Variants in FRMPD4 observed in about 807,000 individuals in gnomAD.
The protein encoded by FRMPD4 is FERM and PDZ domain containing 4.
FRMPD4 carries 22 observed loss-of-function variants against 94.1 expected under a neutral mutation model. The observed-to-expected ratio is 0.23, with a 90% CI of 0.17 to 0.33. The LOEUF (loss-of-function observed/expected upper bound fraction) is 0.33, where lower values mean the gene tolerates loss of function less well. FRMPD4 is among the 10% of genes least tolerant of loss of function. The pLI, the probability that FRMPD4 is intolerant of heterozygous loss-of-function variation, is 1.00. For missense variants in FRMPD4, 1,111 were observed against 1,339.9 expected (o/e 0.83, Z 2.67); for synonymous variants, 631 against 548.6 (o/e 1.15, Z -2.10).
intron 1 of FRMPD4, among the ~76,000 whole-genome samples, chrX:12,472,689 G>A (rs996725896): frequency 2.7e-5 from 3 of 112,000 alleles, no homozygotes; most frequent in Admixed American, 1.9e-4. Flanking sequence ...TAGCTGATTC[G>A]ATCAACTGGA....
chrX:12,172,557 G>A lies in FRMPD4; in HGVS notation c.41+33545G>A, dbSNP rs2056240816. On this transcript the variant is annotated intron_variant, in intron 1 of 16. Coordinates refer to ENST00000675598, the MANE Select transcript of FRMPD4 (RefSeq NM_001368397.1). Reference sequence around the variant, plus strand: ...ACTCCTAGGGTTTCTGATTCAGCAGGTCTGGGGTGGGTCCTGAGAATTTGC... The same window carrying A: ...ACTCCTAGGGTTTCTGATTCAGCAGATCTGGGGTGGGTCCTGAGAATTTGC... Among the ~76,000 whole-genome samples, 4 of 112,077 alleles carry A rather than the reference G, an allele frequency of 3.6e-5. No individual in the cohort carries two copies. In the Admixed American group the frequency reaches 3.8e-4, roughly 11 times the overall value.
chrX:12,715,953 T>C, intron 14 of FRMPD4, 116 bp from the exon 15 acceptor site: 1 of 450,475 alleles, frequency 2.2e-6, no homozygotes, highest in Non-Finnish European at 3.9e-6. Flanking sequence ...AAACTGTATT[T>C]ACATAAGTGA....
chrX:12,448,353 A>C (rs1308066784), intron 1 of FRMPD4, among the ~76,000 whole-genome samples: 1 of 112,369 alleles, frequency 8.9e-6, no homozygotes, highest in East Asian at 2.8e-4. Flanking sequence ...TTGAGTAAAA[A>C]AACAAAAACC....
At chrX:12,351,782 G>A (rs182269942) in intron 1 of FRMPD4, among the ~76,000 whole-genome samples, 9 of 112,561 alleles carry the variant, frequency 8.0e-5, no homozygotes, top group African/African-American at 1.3e-4. Context: ...TTTCTTTCAC[G>A]CAACACTGTG....
intron 2 of FRMPD4, among the ~76,000 whole-genome samples, chrX:12,556,633 C>A (rs1191248092): frequency 8.9e-6 from 1 of 111,916 alleles, no homozygotes; most frequent in Non-Finnish European, 1.9e-5. Context: ...ACTGAGATAA[C>A]AGATATGCCT....
intron 3 of FRMPD4, among the ~76,000 whole-genome samples, chrX:12,007,074 T>A (rs748053509): frequency 1.8e-5 from 2 of 111,901 alleles, no homozygotes; most frequent in Non-Finnish European, 3.8e-5. Flanking sequence ...ATAGAATTCA[T>A]TGCGATGCTG....
intron 1 of FRMPD4, among the ~76,000 whole-genome samples, chrX:12,189,510 C>T (rs912976444): frequency 9.0e-6 from 1 of 111,462 alleles, no homozygotes; most frequent in Non-Finnish European, 1.9e-5. Context: ...TCAAAAATCC[C>T]CAATGAAATA....
chrX:12,383,419 C>T (rs1208790124), intron 1 of FRMPD4, among the ~76,000 whole-genome samples: 1 of 111,743 alleles, frequency 8.9e-6, no homozygotes, highest in Non-Finnish European at 1.9e-5. Flanking sequence ...TGCTGCTAAA[C>T]CTCCTGCAGT....
chrX:12,097,453 A>G (rs2055216133), intron 3 of FRMPD4, among the ~76,000 whole-genome samples: 2 of 112,473 alleles, frequency 1.8e-5, no homozygotes, highest in Admixed American at 9.4e-5. Context: ...AAAATGAACA[A>G]TTCAATAGTT....
intron 3 of FRMPD4, among the ~76,000 whole-genome samples, chrX:11,899,546 A>G (rs974715446): frequency 1.8e-5 from 2 of 111,759 alleles, no homozygotes; most frequent in Non-Finnish European, 1.9e-5. Context: ...GAACATGTTT[A>G]TTTAGCCATA....
chrX:11,943,063 C>T (rs1402955489), intron 3 of FRMPD4, among the ~76,000 whole-genome samples: 1 of 111,890 alleles, frequency 8.9e-6, no homozygotes, highest in African/African-American at 3.3e-5. Flanking sequence ...ATCAGTAGAC[C>T]TTTCCTTCTG....
intron 3 of FRMPD4, among the ~76,000 whole-genome samples, chrX:12,132,841 T>A (rs752249020): frequency 1.1e-4 from 12 of 110,292 alleles, no homozygotes; most frequent in Non-Finnish European, 2.1e-4. Context: ...AAAACATGGA[T>A]GGAATAGATT....
intron 4 of FRMPD4, among the ~76,000 whole-genome samples, chrX:12,652,543 C>T (rs1039115274): frequency 1.1e-4 from 12 of 111,905 alleles, no homozygotes; most frequent in Non-Finnish European, 3.8e-5. Context: ...CTTCTCCAAG[C>T]CCCCAGTAAC....
intron 3 of FRMPD4, among the ~76,000 whole-genome samples, chrX:11,924,905 A>G (rs148896461): frequency 0.012 from 1,308 of 111,950 alleles, 4 homozygotes; most frequent in Non-Finnish European, 0.015. Context: ...ACATATCAAT[A>G]CTAAGCTTAA....
At chrX:11,870,959 C>A (rs753717877) in intron 2 of FRMPD4, among the ~76,000 whole-genome samples, 1 of 112,172 alleles carries the variant, frequency 8.9e-6, no homozygotes, top group African/African-American at 3.2e-5. Flanking sequence ...ACAGATCTCA[C>A]GATAGCAGAT....
chrX:12,354,491 A>G (rs1383444390), intron 1 of FRMPD4, among the ~76,000 whole-genome samples: 1 of 112,015 alleles, frequency 8.9e-6, no homozygotes, highest in Non-Finnish European at 1.9e-5. Flanking sequence ...GGCTACACAA[A>G]AGCCTGAACA....
intron 1 of FRMPD4, among the ~76,000 whole-genome samples, chrX:12,171,818 G>A (rs748243290): frequency 1.3e-4 from 15 of 111,831 alleles, no homozygotes; most frequent in African/African-American, 4.9e-4. Context: ...AGAGACTTGG[G>A]GATGAAAGAA....
intron 1 of FRMPD4, among the ~76,000 whole-genome samples, chrX:12,371,760 G>C (rs73448333): frequency 0.02 from 2,236 of 111,350 alleles, 53 homozygotes; most frequent in African/African-American, 0.069. Context: ...AATATGAATA[G>C]AGTGGCCACA....
At chrX:12,352,355 G>C (rs2055827497) in intron 1 of FRMPD4, among the ~76,000 whole-genome samples, 1 of 112,149 alleles carries the variant, frequency 8.9e-6, no homozygotes, top group South Asian at 3.7e-4. Flanking sequence ...TGTGTGACCA[G>C]TCAAAATATC....
Sources: gnomAD v4.1 joint callset for allele counts (sites outside exome capture counted in the v4.1 genomes callset) on GRCh38, gnomAD v4.1.1 for gene constraint, MANE v1.5 for transcripts, NCBI Gene and HGNC (gene_info 2026-07-23, HGNC 2026-07-21) for gene names.